The following GPLD1 variants were observed in gnomAD, a reference collection of about 807,000 sequenced individuals.
GPLD1 encodes the protein glycosylphosphatidylinositol specific phospholipase D1.
GPLD1 carries 84 observed loss-of-function variants against 112.6 expected under a neutral mutation model. That is an observed-to-expected ratio of 0.75 (90% confidence interval 0.63 to 0.89). GPLD1 has a LOEUF of 0.89. GPLD1 is among the 40% of genes least tolerant of loss of function. GPLD1 has a pLI of 0.00. For synonymous variants in GPLD1, 386 were observed against 403.8 expected (o/e 0.96, Z 0.53); for missense variants, 1,044 against 1,051.5 (o/e 0.99, Z 0.10).
At chr6:24,447,629 T>G (rs766181782) in intron 17 of GPLD1, among the ~76,000 whole-genome samples, 6 of 152,206 alleles carry the variant, frequency 3.9e-5, no homozygotes, top group Non-Finnish European at 7.3e-5. Context: ...CTGTTTTACA[T>G]GGAGACACTA....
At chr6:24,429,180 AG>A in intron 24 of GPLD1, 62 bp from the exon 25 acceptor site, 1 of 1,002,586 alleles carries the variant, frequency 1.0e-6, no homozygotes, top group Non-Finnish European at 1.6e-6. Context: ...TTCCTATGGT[AG>A]TCCAGGCATC....
upstream of GPLD1, among the ~76,000 whole-genome samples, chr6:24,491,304 C>T (rs1369363296): frequency 6.6e-6 from 1 of 152,168 alleles, no homozygotes; most frequent in African/African-American, 2.4e-5. Context: ...TCTCTCAGAA[C>T]ATCCAAGAGC....
chr6:24,480,781 C>T (rs1263383601), intron 2 of GPLD1, among the ~76,000 whole-genome samples: 2 of 152,192 alleles, frequency 1.3e-5, no homozygotes, highest in African/African-American at 4.8e-5. Flanking sequence ...GGATGTCTAG[C>T]TGCATGCTAT....
At chr6:24,474,920 C>A (rs1763956497) in intron 5 of GPLD1, among the ~76,000 whole-genome samples, 1 of 149,920 alleles carries the variant, frequency 6.7e-6, no homozygotes, top group Non-Finnish European at 1.5e-5. Context: ...TGCATTCCAG[C>A]CTGGCAACAG....
At chr6:24,490,790 A>AT (rs920965049), upstream of GPLD1, among the ~76,000 whole-genome samples, 4 of 151,774 alleles carry the variant, frequency 2.6e-5, no homozygotes, top group Non-Finnish European at 5.9e-5. Flanking sequence ...AAGTGGAATG[A>AT]TTTGACAACA....
chr6:24,494,854 T>C (rs1764651413), intron 1 of GPLD1: 3 of 948,158 alleles, frequency 3.2e-6, no homozygotes, highest in Non-Finnish European at 1.4e-6. Context: ...CGCTGCTCTG[T>C]GGCTCTGCAA....
At chr6:24,461,208 C>T (rs936450205) in intron 11 of GPLD1, among the ~76,000 whole-genome samples, 1 of 151,974 alleles carries the variant, frequency 6.6e-6, no homozygotes, top group Admixed American at 6.6e-5. Flanking sequence ...AGTGACGGGG[C>T]CCTGGGCATG....
chr6:24,442,684 T>C (rs1158319987), intron 20 of GPLD1, among the ~76,000 whole-genome samples: 1 of 151,826 alleles, frequency 6.6e-6, no homozygotes, highest in African/African-American at 2.4e-5. Context: ...GACCTCATGA[T>C]CCACCCACCT....
At chr6:24,430,153 A>G (rs56148439) in intron 24 of GPLD1, among the ~76,000 whole-genome samples, 9,377 of 152,272 alleles carry the variant, frequency 0.062, 677 homozygotes, top group African/African-American at 0.17. Context: ...GAAAATCTAC[A>G]CTTAAGAAAA....
chr6:24,471,673 G>A (rs567042993), intron 7 of GPLD1, among the ~76,000 whole-genome samples: 11 of 152,166 alleles, frequency 7.2e-5, no homozygotes, highest in Non-Finnish European at 1.5e-4. Flanking sequence ...AAAAGCTTTA[G>A]AAGTCCATGT....
intron 1 of GPLD1, 148 bp from the exon 2 acceptor site, chr6:24,486,278 T>A: frequency 1.6e-6 from 1 of 629,388 alleles, no homozygotes; most frequent in Non-Finnish European, 2.9e-6. Context: ...TCACTGGCAA[T>A]TTTCATTAGG....
At position 24,481,340 on chromosome 6, in the gene GPLD1, G is replaced by A. The variant is rs1013598530; in HGVS notation, c.154-1381C>T. 1.9e-3 allele frequency among the ~76,000 whole-genome samples: 257 copies of A among 138,872 alleles called. 1 individual carries two copies. Among genetic ancestry groups the A allele is most frequent in the African/African-American group, 7.9e-3 (246 of 31,254 alleles). The allele number at this position is 138,872 out of a possible 152,430, so 91.1% of individuals were successfully genotyped here. Reference sequence around the variant, plus strand: ...CAAAGTAAAAGTTTGGCAATATCCCGCCCTTTTTTTTTTTTTTTTAAATAA... The same window carrying A: ...CAAAGTAAAAGTTTGGCAATATCCCACCCTTTTTTTTTTTTTTTTAAATAA... On this transcript the variant is annotated intron_variant, in intron 2 of 24. Transcript: ENST00000230036.
intron 20 of GPLD1, among the ~76,000 whole-genome samples, chr6:24,441,260 T>A (rs1242282972): frequency 1.3e-5 from 2 of 149,268 alleles, no homozygotes; most frequent in Non-Finnish European, 3.0e-5. Flanking sequence ...GAGCTTGAGA[T>A]CACACCACTA....
In GPLD1 at chr6:24,426,118, T is replaced by C. The variant is rs1168461327; in HGVS notation, c.*2914A>G. The C allele has an allele frequency of 6.6e-6, 1 of 152,196 alleles. No individual in the cohort carries two copies. The highest frequency in any genetic ancestry group is 1.5e-5 in the Non-Finnish European group (1 of 68,038). 9.4% of individuals were successfully genotyped at this position (152,196 alleles called of 1,614,324 possible). ...AGAAAAGCTGTTACATATACGCAGATAGTAGCAAGACAGAAAATGCAAATA... is the reference window on the plus strand; with the variant it reads ...AGAAAAGCTGTTACATATACGCAGACAGTAGCAAGACAGAAAATGCAAATA... On this transcript the variant is annotated 3_prime_UTR_variant, in exon 25 of 25. Coordinates refer to ENST00000230036, the MANE Select transcript of GPLD1 (RefSeq NM_001503.4).
intron 20 of GPLD1, among the ~76,000 whole-genome samples, chr6:24,438,828 C>G (rs995442326): frequency 4.6e-5 from 7 of 152,018 alleles, no homozygotes; most frequent in African/African-American, 1.7e-4. Context: ...ACTCTGTCAC[C>G]CAGGCTGGAG....
At chr6:24,485,319 C>CT (rs1414440348) in intron 2 of GPLD1, among the ~76,000 whole-genome samples, 1 of 152,136 alleles carries the variant, frequency 6.6e-6, no homozygotes, top group Non-Finnish European at 1.5e-5. Flanking sequence ...GGAAGGATTG[C>CT]TTGAGCCCAG....
intron 24 of GPLD1, among the ~76,000 whole-genome samples, chr6:24,431,429 A>G (rs1388346591): frequency 6.6e-6 from 1 of 152,100 alleles, no homozygotes; most frequent in Non-Finnish European, 1.5e-5. Context: ...ATGTATATGA[A>G]TCTTATTTTC....
intron 4 of GPLD1, 103 bp downstream of exon 4, chr6:24,476,078 G>A (rs1196850329): frequency 9.3e-6 from 6 of 642,000 alleles, no homozygotes; most frequent in Non-Finnish European, 1.7e-5. Context: ...TGGAATGGTG[G>A]GCAGCCCTTA....
At chr6:24,494,798 G>A (rs772913089) in intron 1 of GPLD1, 1 of 539,630 alleles carries the variant, frequency 1.9e-6, no homozygotes, top group African/African-American at 2.0e-5. Context: ...AGGGCAAGGT[G>A]CAGAGGGCGG....
Sources: allele counts gnomAD v4.1 joint callset (sites outside exome capture counted in the v4.1 genomes callset), GRCh38; gene constraint gnomAD v4.1.1; transcripts MANE v1.5; gene names NCBI Gene and HGNC (gene_info 2026-07-23, HGNC 2026-07-21).